The following NAV2 variants were observed in gnomAD, a reference collection of about 807,000 sequenced individuals.
NAV2 encodes the protein helicase, APC down-regulated 1.
Under a neutral mutation model 223.2 loss-of-function variants are expected in NAV2, and 54 were observed. That is an observed-to-expected ratio of 0.24 (90% CI 0.19 to 0.30). NAV2 has a LOEUF of 0.30. Ranked by LOEUF, NAV2 falls within the 10% of genes least tolerant of loss-of-function variation. The pLI is 1.00. For missense variants in NAV2, 2,806 were observed against 3,147.5 expected, an observed-to-expected ratio of 0.89 and a Z score of 2.60; for synonymous variants, 1,279 against 1,239.3, an observed-to-expected ratio of 1.03 and a Z score of -0.67.
At chr11:19,596,937 A>G (rs3958152) in intron 1 of NAV2, among the ~76,000 whole-genome samples, 147,721 of 152,286 alleles carry the variant, frequency 0.97, 71,812 homozygotes, top group East Asian at 1. Context: ...GAGGCACAGA[A>G]TGTTTTGGTA....
In NAV2 at chr11:19,490,712, A is replaced by G. The variant is rs182651826; in HGVS notation, c.75+139685A>G. 6.2e-4 allele frequency among the ~76,000 whole-genome samples: 95 copies of G among 152,346 alleles called. 1 individual carries two copies. The highest frequency in any genetic ancestry group is 1.9e-3 in the Admixed American group (29 of 15,296). On this transcript the variant is annotated intron_variant, in intron 1 of 37. Transcript: ENST00000360655. ...ATCAACTTCTTCCGAATTTCCATTA[A>G]TGTTGATACTTCGGCCTTCTCCCAT...
At chr11:19,643,544 T>G (rs568160298) in intron 1 of NAV2, among the ~76,000 whole-genome samples, 110 of 152,350 alleles carry the variant, frequency 7.2e-4, no homozygotes, top group African/African-American at 2.5e-3. Flanking sequence ...TGTGCCACAT[T>G]TTCTTAATCC....
chr11:19,992,583 C>CT (rs780559920), intron 11 of NAV2, among the ~76,000 whole-genome samples: 64,805 of 103,604 alleles, frequency 0.63, 22,545 homozygotes, highest in Non-Finnish European at 0.73. Flanking sequence ...TCCTGAAGTA[C>CT]TTTTTTTTTT....
intron 1 of NAV2, among the ~76,000 whole-genome samples, chr11:19,821,737 C>T (rs748628463): frequency 6.6e-6 from 1 of 152,238 alleles, no homozygotes; most frequent in African/African-American, 2.4e-5. Context: ...CAGCTCCCCT[C>T]TTGGGTCTGT....
At chr11:19,428,321 T>C (rs1850915031) in intron 1 of NAV2, among the ~76,000 whole-genome samples, 1 of 152,194 alleles carries the variant, frequency 6.6e-6, no homozygotes, top group Non-Finnish European at 1.5e-5. Flanking sequence ...AGGGGTAGCC[T>C]AGTGGCTTAT....
intron 1 of NAV2, among the ~76,000 whole-genome samples, chr11:19,790,815 G>T (rs148299956): frequency 6.6e-6 from 1 of 152,136 alleles, no homozygotes. Context: ...TTTGCAAAAG[G>T]GGGGAATATT....
At chr11:19,904,250 T>C (rs2042681331) in intron 6 of NAV2, among the ~76,000 whole-genome samples, 1 of 152,238 alleles carries the variant, frequency 6.6e-6, no homozygotes, top group African/African-American at 2.4e-5. Flanking sequence ...TCTGAGGTTA[T>C]TTATTGAATG....
intron 1 of NAV2, among the ~76,000 whole-genome samples, chr11:19,444,155 A>G (rs553925941): frequency 1.3e-5 from 2 of 152,264 alleles, no homozygotes; most frequent in Non-Finnish European, 1.5e-5. Context: ...CTTGGGCAGG[A>G]TGGTCTCCAT....
chr11:19,382,891 T>C lies in NAV2; in HGVS notation c.75+31864T>C, dbSNP rs534924489. Among the ~76,000 whole-genome samples, 6 of 152,284 alleles carry C rather than the reference T, an allele frequency of 3.9e-5. No individual in the cohort carries two copies. In the East Asian group the frequency reaches 1.2e-3, roughly 29 times the overall value. ...CTGACTCCAAAGTTTGAGTGCTTGA[T>C]CATTTACTATACACTTTGTATATAG... On this transcript the variant is annotated intron_variant, in intron 1 of 37. Transcript: ENST00000360655.
chr11:19,888,165 AT>A (rs1403812577), intron 5 of NAV2, among the ~76,000 whole-genome samples: 1 of 152,110 alleles, frequency 6.6e-6, no homozygotes, highest in Admixed American at 6.5e-5. Flanking sequence ...CAACATGTAT[AT>A]GTTTCAAAGG....
chr11:19,826,476 T>C (rs6483616), intron 1 of NAV2, among the ~76,000 whole-genome samples: 96,327 of 152,040 alleles, frequency 0.63, 30,770 homozygotes, highest in Admixed American at 0.69. Context: ...CTAAAGAAAT[T>C]ATAAGTTTAT....
intron 10 of NAV2, among the ~76,000 whole-genome samples, chr11:19,959,604 G>A (rs1399230276): frequency 2.6e-5 from 4 of 152,228 alleles, no homozygotes; most frequent in African/African-American, 7.2e-5. Flanking sequence ...CTCATAATGA[G>A]GGTGTTTCCT....
intron 1 of NAV2, among the ~76,000 whole-genome samples, chr11:19,772,513 T>C (rs1295958246): frequency 6.6e-6 from 1 of 152,226 alleles, no homozygotes; most frequent in Admixed American, 6.5e-5. Context: ...AAATAGCCAC[T>C]ACTATGGCTA....
chr11:19,993,823 A>G (rs542659357), intron 11 of NAV2, among the ~76,000 whole-genome samples: 1 of 152,316 alleles, frequency 6.6e-6, no homozygotes, highest in East Asian at 1.9e-4. Context: ...AAGTATATGG[A>G]CCATGTTTTC....
chr11:19,501,408 C>T (rs189520395), intron 1 of NAV2, among the ~76,000 whole-genome samples: 3 of 152,100 alleles, frequency 2.0e-5, no homozygotes, highest in South Asian at 2.1e-4. Context: ...TGTTGGCTAC[C>T]GACCTGCCTA....
Position 19,945,114 on chromosome 11 carries a change from T to TC in NAV2, c.2147-1286dup, listed in dbSNP as rs143222170. Among the ~76,000 whole-genome samples, 688 of 78,598 alleles carry TC rather than the reference T, an allele frequency of 8.8e-3. 2 individuals are homozygous for TC. The highest frequency in any genetic ancestry group is 0.075 in the East Asian group (111 of 1,478). 51.6% of individuals were successfully genotyped at this position (78,598 alleles called of 152,430 possible). A position where few individuals can be genotyped will look rare whatever the true frequency, so the allele number is the denominator to read the frequency against. On this transcript the variant is annotated intron_variant, in intron 8 of 37. Coordinates refer to ENST00000349880, the MANE Select transcript of NAV2 (RefSeq NM_145117.5). ...TCTTCTCTTCTCTTCTTTCTTTTTT[T>TC]CTCTTTCTTTCTTTCTTTCTTTCTT...
intron 1 of NAV2, among the ~76,000 whole-genome samples, chr11:19,618,718 C>T (rs139911782): frequency 2.0e-3 from 303 of 151,892 alleles, no homozygotes; most frequent in African/African-American, 6.7e-3. Flanking sequence ...AGGTTGGGGA[C>T]GTGAGGGCTC....
chr11:19,862,983 A>G (rs929132999), intron 3 of NAV2, among the ~76,000 whole-genome samples: 5 of 152,162 alleles, frequency 3.3e-5, no homozygotes, highest in Admixed American at 6.5e-5. Context: ...GACCTCTTAG[A>G]TATGGAACAG....
At chr11:19,812,706 C>T (rs1353579363) in intron 1 of NAV2, among the ~76,000 whole-genome samples, 1 of 152,034 alleles carries the variant, frequency 6.6e-6, no homozygotes, top group African/African-American at 2.4e-5. Flanking sequence ...GCCTTAACAC[C>T]TGATTTAAAC....
Sources: gnomAD v4.1 joint callset for allele counts (sites outside exome capture counted in the v4.1 genomes callset) on GRCh38, gnomAD v4.1.1 for gene constraint, MANE v1.5 for transcripts, NCBI Gene and HGNC (gene_info 2026-07-23, HGNC 2026-07-21) for gene names.